SHANK2: variants seen among roughly 807,000 people sequenced by gnomAD.
The protein encoded by SHANK2 is SH3 and multiple ankyrin repeat domains protein 2.
A neutral mutation model predicts 133.7 loss-of-function variants in SHANK2; 43 were observed. That is an observed-to-expected ratio of 0.32 (90% CI 0.25 to 0.41). The LOEUF (loss-of-function observed/expected upper bound fraction) is 0.41, where lower values mean the gene tolerates loss of function less well. Ranked by LOEUF, SHANK2 falls within the 10% of genes least tolerant of loss-of-function variation. The pLI is 1.00. For missense variants in SHANK2, 1,994 were observed against 2,235.8 expected (o/e 0.89, Z 2.18); for synonymous variants, 1,017 against 952.8 (o/e 1.07, Z -1.24).
At position 70,624,095 on chromosome 11, in the gene SHANK2, C is replaced by T. The variant is rs35640905; in HGVS notation, c.2061+35733G>A. On this transcript the variant is annotated intron_variant, in intron 17 of 25. Transcript: ENST00000601538. ...GGTGTGGACTTCTGGGAGCAGAGGC[C>T]CTGGTTTCCCTAGGGGAGGGGTGGG... Among the ~76,000 whole-genome samples the T allele has an allele frequency of 5.5e-3, 832 of 152,200 alleles. 6 individuals are homozygous for T. Among genetic ancestry groups the T allele is most frequent in the Non-Finnish European group, 8.3e-3 (565 of 67,972 alleles).
intron 14 of SHANK2, among the ~76,000 whole-genome samples, chr11:70,755,913 C>T (rs868918241): frequency 4.6e-5 from 7 of 152,214 alleles, no homozygotes; most frequent in Admixed American, 6.5e-5. Flanking sequence ...GATGGCTTTC[C>T]GTTGCCCAGC....
intron 17 of SHANK2, among the ~76,000 whole-genome samples, chr11:70,534,729 C>T (rs1554973867): frequency 6.6e-6 from 1 of 152,180 alleles, no homozygotes; most frequent in African/African-American, 2.4e-5. Flanking sequence ...TCACTTCTTC[C>T]CATAAATGAC....
At chr11:70,514,200 GAGA>G (rs1163427892) in intron 17 of SHANK2, among the ~76,000 whole-genome samples, 1 of 152,128 alleles carries the variant, frequency 6.6e-6, no homozygotes, top group African/African-American at 2.4e-5. Flanking sequence ...AGAAACCATG[GAGA>G]AGAACCTCTT....
chr11:70,503,520 G>T (rs1336798583), intron 17 of SHANK2, among the ~76,000 whole-genome samples: 5 of 152,240 alleles, frequency 3.3e-5, no homozygotes, highest in African/African-American at 1.2e-4. Context: ...GCTTACAAGA[G>T]TGGGGGCCCT....
chr11:70,536,356 G>C (rs1554974196), intron 17 of SHANK2, among the ~76,000 whole-genome samples: 1 of 152,184 alleles, frequency 6.6e-6, no homozygotes, highest in Non-Finnish European at 1.5e-5. Flanking sequence ...AATAAAACCG[G>C]AGCTGCGTCA....
chr11:71,244,797 G>A (rs1475632796), intron 1 of SHANK2, among the ~76,000 whole-genome samples: 1 of 152,118 alleles, frequency 6.6e-6, no homozygotes, highest in Admixed American at 6.6e-5. Context: ...CCGCCTGCCG[G>A]GTTCAAGTGA....
At chr11:71,159,395 G>T (rs1207043691) in intron 2 of SHANK2, among the ~76,000 whole-genome samples, 20 of 152,096 alleles carry the variant, frequency 1.3e-4, no homozygotes, top group African/African-American at 3.6e-4. Flanking sequence ...GACATTCAGG[G>T]CCCACCTGGA....
chr11:70,727,847 T>A (rs562573056), intron 14 of SHANK2, among the ~76,000 whole-genome samples: 391 of 152,302 alleles, frequency 2.6e-3, no homozygotes, highest in Middle Eastern at 0.014. Context: ...CCATGGGCTG[T>A]CCTCAGTTTC....
chr11:71,095,214 T>G (rs781897889), intron 6 of SHANK2, among the ~76,000 whole-genome samples: 1 of 152,194 alleles, frequency 6.6e-6, no homozygotes, highest in Non-Finnish European at 1.5e-5. Flanking sequence ...AGTGGAAACC[T>G]TCCTTCATTA....
intron 11 of SHANK2, among the ~76,000 whole-genome samples, chr11:70,859,384 G>A (rs562805117): frequency 2.8e-4 from 42 of 152,184 alleles, no homozygotes; most frequent in Admixed American, 9.8e-4. Context: ...GTAGGTGGAC[G>A]GAAAGATGGG....
chr11:70,653,841 C>T (rs186594092), intron 17 of SHANK2, among the ~76,000 whole-genome samples: 33 of 152,278 alleles, frequency 2.2e-4, no homozygotes, highest in Admixed American at 1.6e-3. Context: ...ACCATGTTGG[C>T]CATGCTGGTC....
intron 3 of SHANK2, among the ~76,000 whole-genome samples, chr11:71,126,216 CAAAAAAAAA>C (rs1170621448): frequency 3.1e-4 from 20 of 64,420 alleles, no homozygotes; most frequent in South Asian, 2.0e-3. Context: ...GACTCCGTCT[CAAAAAAAAA>C]AAAAAAAAAA....
intron 2 of SHANK2, among the ~76,000 whole-genome samples, chr11:71,181,784 G>A (rs1476616261): frequency 6.6e-6 from 1 of 152,176 alleles, no homozygotes; most frequent in African/African-American, 2.4e-5. Flanking sequence ...GACGCCGTCA[G>A]AGCCACCTGT....
chr11:70,826,233 A>G (rs1948637117), intron 11 of SHANK2, among the ~76,000 whole-genome samples: 1 of 152,236 alleles, frequency 6.6e-6, no homozygotes, highest in Admixed American at 6.5e-5. Flanking sequence ...GGAGTTCCAC[A>G]AGGGCTGAAG....
rs577966381 is a variant in SHANK2, at chr11:70,828,822, C to T, written c.1175-8140G>A. 7.9e-5 allele frequency among the ~76,000 whole-genome samples: 12 copies of T among 152,340 alleles called. 1 individual carries two copies. The South Asian group carries it at 2.3e-3, about 29-fold the overall frequency. On this transcript the variant is annotated intron_variant, in intron 11 of 25. Transcript: ENST00000601538. Reference sequence around the variant, plus strand: ...CGTGAGCCCAGAGGACTCATCAAAGCGCAGGGAACTCTCGGGGAGACTCAG... The same window carrying T: ...CGTGAGCCCAGAGGACTCATCAAAGTGCAGGGAACTCTCGGGGAGACTCAG...
chr11:70,671,044 T>C (rs935357567), intron 15 of SHANK2, among the ~76,000 whole-genome samples: 3 of 152,202 alleles, frequency 2.0e-5, no homozygotes, highest in African/African-American at 4.8e-5. Flanking sequence ...ATTGCTAACA[T>C]GATAAGCAAT....
intron 14 of SHANK2, among the ~76,000 whole-genome samples, chr11:70,711,590 C>G (rs1400423623): frequency 6.6e-6 from 1 of 152,238 alleles, no homozygotes; most frequent in Non-Finnish European, 1.5e-5. Context: ...AGCACGCCCG[C>G]CCGGCCTCCA....
chr11:70,951,846 A>G (rs1950849796), intron 10 of SHANK2, among the ~76,000 whole-genome samples: 1 of 151,562 alleles, frequency 6.6e-6, no homozygotes, highest in Non-Finnish European at 1.5e-5. Context: ...CGGCCACATC[A>G]CTCCAATCTT....
intron 10 of SHANK2, among the ~76,000 whole-genome samples, chr11:70,944,557 G>T (rs1393521244): frequency 6.6e-6 from 1 of 152,230 alleles, no homozygotes; most frequent in South Asian, 2.1e-4. Flanking sequence ...CCATATGGCT[G>T]CTGAGAGGTC....
Sources: gnomAD v4.1 joint callset for allele counts (sites outside exome capture counted in the v4.1 genomes callset) on GRCh38, gnomAD v4.1.1 for gene constraint, MANE v1.5 for transcripts, NCBI Gene and HGNC (gene_info 2026-07-23, HGNC 2026-07-21) for gene names.